Variants in DMRT1 observed in about 807,000 individuals in gnomAD.
DMRT1 encodes doublesex and mab-3 related transcription factor 1.
In DMRT1, 7 loss-of-function variants were observed where a neutral mutation model predicts 32.3. The ratio of observed to expected loss-of-function variants is 0.22; its 90% confidence interval spans 0.12 to 0.41. DMRT1 has a LOEUF of 0.41. Among genes scored for constraint, DMRT1 ranks in the 10% least tolerant of loss-of-function variants. DMRT1 has a pLI of 1.00. For synonymous variants in DMRT1, 278 were observed against 206.1 expected (o/e 1.35, Z -2.99); for missense variants, 625 against 500.5 (o/e 1.25, Z -2.37).
intron 2 of DMRT1, among the ~76,000 whole-genome samples, chr9:855,285 C>T (rs927074659): frequency 3.3e-5 from 4 of 122,962 alleles, no homozygotes; most frequent in Non-Finnish European, 5.2e-5. Context: ...ACATCTAGAG[C>T]CAGGAAACGT....
intron 2 of DMRT1, among the ~76,000 whole-genome samples, chr9:885,591 T>A (rs950632166): frequency 4.6e-5 from 7 of 152,186 alleles, no homozygotes; most frequent in African/African-American, 1.7e-4. Context: ...CTTCCACCAA[T>A]CTACTCGTCT....
chr9:883,890 A>C (rs955995662), intron 2 of DMRT1, among the ~76,000 whole-genome samples: 3 of 152,120 alleles, frequency 2.0e-5, no homozygotes, highest in African/African-American at 7.2e-5. Flanking sequence ...TTTCAGACTT[A>C]CTGGTGAATA....
chr9:948,237 C>T (rs570646143), intron 4 of DMRT1, among the ~76,000 whole-genome samples: 2 of 152,218 alleles, frequency 1.3e-5, no homozygotes, highest in South Asian at 2.1e-4. Flanking sequence ...CAGGCCCGCC[C>T]CTCCTCCCCT....
At chr9:881,906 G>A (rs1033873522) in intron 2 of DMRT1, among the ~76,000 whole-genome samples, 3 of 152,160 alleles carry the variant, frequency 2.0e-5, no homozygotes, top group African/African-American at 4.8e-5. Flanking sequence ...ACTGTCTCTG[G>A]TATCTTGCCA....
intron 2 of DMRT1, among the ~76,000 whole-genome samples, chr9:865,573 A>T (rs1815944939): frequency 1.3e-5 from 2 of 152,214 alleles, no homozygotes; most frequent in African/African-American, 4.8e-5. Flanking sequence ...GAGCAGATGA[A>T]TGAGCCCGGA....
intron 2 of DMRT1, among the ~76,000 whole-genome samples, chr9:867,719 T>C (rs573839373): frequency 6.6e-6 from 1 of 152,336 alleles, no homozygotes; most frequent in East Asian, 1.9e-4. Context: ...TCTGTCATTG[T>C]GGTCATGAGA....
intron 2 of DMRT1, among the ~76,000 whole-genome samples, chr9:877,367 G>C (rs1816547134): frequency 6.6e-6 from 1 of 152,332 alleles, no homozygotes; most frequent in South Asian, 2.1e-4. Context: ...TTCTGAAGGA[G>C]GCGATGGTAG....
intron 4 of DMRT1, among the ~76,000 whole-genome samples, chr9:954,993 G>C (rs1334674224): frequency 6.6e-6 from 1 of 152,208 alleles, no homozygotes; most frequent in Non-Finnish European, 1.5e-5. Context: ...GTCAGGGAAA[G>C]AGATATACAT....
At chr9:964,645 A>G (rs753062544) in intron 4 of DMRT1, among the ~76,000 whole-genome samples, 4 of 152,076 alleles carry the variant, frequency 2.6e-5, no homozygotes, top group Non-Finnish European at 4.4e-5. Context: ...TCCTGCCCCC[A>G]ACCCCAGTGC....
chr9:948,559 A>C (rs909943495), intron 4 of DMRT1, among the ~76,000 whole-genome samples: 1 of 151,992 alleles, frequency 6.6e-6, no homozygotes, highest in African/African-American at 2.4e-5. Context: ...GGGACAGACC[A>C]TCCTTCCCCT....
rs1284464526 is a variant in DMRT1 at position 906,406 on chromosome 9, G to A, written c.823-10357G>A. Among the ~76,000 whole-genome samples the A allele has an allele frequency of 2.0e-5, 3 of 152,214 alleles. No individual in the cohort carries two copies. In the East Asian group the frequency reaches 5.8e-4, roughly 29 times the overall value. On this transcript the variant is annotated intron_variant, in intron 3 of 4. Coordinates refer to ENST00000382276, the MANE Select transcript of DMRT1 (RefSeq NM_021951.3). ...TATCCTAATGTTTCTGACAGCTCATGTGTGACATGAATATAATCCATATTT... is the reference window on the plus strand; with the variant it reads ...TATCCTAATGTTTCTGACAGCTCATATGTGACATGAATATAATCCATATTT...
chr9:842,146 A>C lies in DMRT1; in HGVS notation c.308A>C (p.Lys103Thr). 1.9e-6 allele frequency: 3 copies of C among 1,547,534 alleles called. No homozygotes were observed. The highest frequency in any genetic ancestry group is 2.6e-6 in the Non-Finnish European group (3 of 1,151,328). The change falls in exon 1 of 5, where the codon AAG becomes ACG. Residue 103 changes from lysine (K) to threonine (T), a missense_variant. Lys to Thr is a moderately conservative substitution (Grantham distance 78). This residue lies in a region of DMRT1 where 201 missense variants were observed against 152.0 expected (regional missense o/e 1.32). Transcript: ENST00000382276. ...RFCMWRDCQC[K>T]KCNLIAERQR... ...TGCATGTGGCGCGACTGCCAGTGCA[A>C]GAAGTGCAACCTGATCGCCGAGAGG... is the stretch of plus-strand genomic sequence containing the variant.
intron 2 of DMRT1, among the ~76,000 whole-genome samples, chr9:877,383 A>G (rs1270479929): frequency 1.3e-5 from 2 of 152,224 alleles, no homozygotes; most frequent in African/African-American, 4.8e-5. Context: ...GGTAGAGGAG[A>G]CAAAGAAATG....
intron 4 of DMRT1, among the ~76,000 whole-genome samples, chr9:939,198 T>A (rs1818981142): frequency 6.6e-6 from 1 of 152,240 alleles, no homozygotes; most frequent in Admixed American, 6.5e-5. Flanking sequence ...TAGTTCAGCT[T>A]CTTCCTTTCA....
intron 2 of DMRT1, among the ~76,000 whole-genome samples, chr9:852,581 C>G (rs1451391875): frequency 6.6e-6 from 1 of 152,172 alleles, no homozygotes; most frequent in Non-Finnish European, 1.5e-5. Flanking sequence ...TTCTCTTCCT[C>G]TCCTTTTCTG....
At chr9:953,758 G>A (rs1586660020) in intron 4 of DMRT1, among the ~76,000 whole-genome samples, 1 of 152,172 alleles carries the variant, frequency 6.6e-6, no homozygotes, top group Admixed American at 6.5e-5. Flanking sequence ...GATCACGATT[G>A]GTCTAGGAAA....
chr9:909,554 C>T (rs1346541359), intron 3 of DMRT1, among the ~76,000 whole-genome samples: 2 of 152,038 alleles, frequency 1.3e-5, no homozygotes, highest in Non-Finnish European at 2.9e-5. Context: ...CAACCCCAGC[C>T]TTCACACCCA....
chr9:953,819 CT>C, intron 4 of DMRT1, among the ~76,000 whole-genome samples: 1 of 152,222 alleles, frequency 6.6e-6, no homozygotes. Context: ...TATTCATCAA[CT>C]ACTATTTGTT....
At chr9:882,780 G>C (rs867711024) in intron 2 of DMRT1, among the ~76,000 whole-genome samples, 1 of 36,968 alleles carries the variant, frequency 2.7e-5, no homozygotes. Flanking sequence ...TTTTTTTTTT[G>C]TCTGTCTGAG....
Sources: gnomAD v4.1 joint callset for allele counts (sites outside exome capture counted in the v4.1 genomes callset) on GRCh38, gnomAD v4.1.1 for gene constraint, gnomAD v4.1.1 regional missense constraint, MANE v1.5 for transcripts, NCBI Gene and HGNC (gene_info 2026-07-23, HGNC 2026-07-21) for gene names.